Variants in NFIX observed in about 807,000 individuals in gnomAD.
The protein encoded by NFIX is nuclear factor I X, also known as nuclear factor 1 X-type.
A neutral mutation model predicts 53.3 loss-of-function variants in NFIX; 2 were observed. The ratio of observed to expected loss-of-function variants is 0.04; its 90% CI spans 0.02 to 0.12. The LOEUF (loss-of-function observed/expected upper bound fraction) is 0.12. Among genes scored for constraint, NFIX ranks in the 10% least tolerant of loss-of-function variants. The pLI is 1.00. For missense variants in NFIX, 310 were observed against 674.5 expected (o/e 0.46, Z 5.99); for synonymous variants, 244 against 289.0 (o/e 0.84, Z 1.58).
chr19:13,092,666 A>AG (rs2018213293), intron 10 of NFIX, among the ~76,000 whole-genome samples: 1 of 152,266 alleles, frequency 6.6e-6, no homozygotes, highest in Non-Finnish European at 1.5e-5. Context: ...GCAATGGCAC[A>AG]GGGTTCCTGT....
intron 1 of NFIX, 125 bp from the exon 2 acceptor site, chr19:13,024,896 G>A (rs1548551): frequency 7.5e-7 from 1 of 1,332,266 alleles, no homozygotes; most frequent in Admixed American, 2.0e-5. Flanking sequence ...AGGAGGAGGA[G>A]AAGGCGGTTT....
At chr19:13,024,883 GGGA>G (rs374702023) in intron 1 of NFIX, 135 bp from the exon 2 acceptor site, 75 of 1,323,574 alleles carry the variant, frequency 5.7e-5, no homozygotes, top group Non-Finnish European at 6.5e-5. Flanking sequence ...GTTGGGGGGA[GGGA>G]GGAGGAGGAG....
intron 2 of NFIX, among the ~76,000 whole-genome samples, chr19:13,050,400 T>TC (rs779070144): frequency 6.6e-6 from 1 of 152,192 alleles, no homozygotes; most frequent in Non-Finnish European, 1.5e-5. Context: ...CCGCATCACT[T>TC]CTCATCCTCT....
chr19:13,067,920 A>G lies in NFIX; in HGVS notation c.560-5127A>G, dbSNP rs2016524444. ...GGAGATCGAGACCATCCTGGCTAAC[A>G]CTGTGAAACCCTGTCTCTTCTAAAA... On this transcript the variant is annotated intron_variant, in intron 2 of 10. Coordinates refer to ENST00000592199, the MANE Select transcript of NFIX (RefSeq NM_001365902.3). This position sits in a 1 kb window ranked among gnomAD's most constrained non-coding sequence, Gnocchi z 4.2. 6.6e-6 allele frequency among the ~76,000 whole-genome samples: 1 copy of G among 152,030 alleles called. No individual in the cohort carries two copies. The highest frequency in any genetic ancestry group is 1.5e-5 in the Non-Finnish European group (1 of 68,000).
chr19:13,081,220 G>A lies in NFIX; in HGVS notation c.1079-460G>A, dbSNP rs1208816626. Among the ~76,000 whole-genome samples, 1 of 151,678 alleles carries A rather than the reference G, an allele frequency of 6.6e-6. No homozygotes were observed. Among genetic ancestry groups the A allele is most frequent in the Non-Finnish European group, 1.5e-5 (1 of 67,968 alleles). On this transcript the variant is annotated intron_variant, in intron 7 of 10. Transcript: ENST00000592199. This position sits in a 1 kb window ranked among gnomAD's most constrained non-coding sequence, Gnocchi z 4.7. Reference sequence around the variant, plus strand: ...CTTGGGGGGCTGAGGTGGGAGGATTGCATGAGCCCAGGAGGATTGCTTGCC... The same window carrying A: ...CTTGGGGGGCTGAGGTGGGAGGATTACATGAGCCCAGGAGGATTGCTTGCC...
chr19:13,020,536 G>C (rs1032443470), intron 1 of NFIX, among the ~76,000 whole-genome samples: 1 of 152,162 alleles, frequency 6.6e-6, no homozygotes, highest in Non-Finnish European at 1.5e-5. Context: ...TGGGGTGAGG[G>C]GAAAGTATTT....
chr19:13,062,569 G>A (rs2016160501), intron 2 of NFIX, among the ~76,000 whole-genome samples: 1 of 152,222 alleles, frequency 6.6e-6, no homozygotes, highest in Non-Finnish European at 1.5e-5. Context: ...TGGCCTGGTG[G>A]CCAGGTCTCT....
Position 13,005,068 on chromosome 19 carries a change from C to T in NFIX, c.27+9204C>T, listed in dbSNP as rs578154700. On this transcript the variant is annotated intron_variant, in intron 1 of 10. Transcript: ENST00000592199. This position sits in a 1 kb window ranked among gnomAD's most constrained non-coding sequence, Gnocchi z 4.7. ...CTGGCCTCAAGTGATCCGCCCGCCT[C>T]GGCCTCCCAAAGTGCTGGGATTACA... Among the ~76,000 whole-genome samples the T allele has an allele frequency of 2.2e-4, 33 of 152,264 alleles. No individual in the cohort carries two copies. The highest frequency in any genetic ancestry group is 6.7e-4 in the African/African-American group (28 of 41,542).
intron 1 of NFIX, among the ~76,000 whole-genome samples, chr19:13,007,722 C>T (rs1036573920): frequency 1.3e-5 from 2 of 151,918 alleles, no homozygotes; most frequent in African/African-American, 4.8e-5. Context: ...ACCCCACACC[C>T]GCTGCCCGCG....
At chr19:13,064,430 T>C (rs1453821111) in intron 2 of NFIX, among the ~76,000 whole-genome samples, 3 of 152,352 alleles carry the variant, frequency 2.0e-5, no homozygotes, top group Admixed American at 6.5e-5. Context: ...GGACAAGCTC[T>C]ATCCTCCCTT....
rs1161581899 is a variant in NFIX, at chr19:13,025,436, A to AGC, written c.445_446dup (p.Leu150GlyfsTer62). 6.2e-7 allele frequency: 1 copy of AGC among 1,613,904 alleles called. No individual in the cohort carries two copies. Among genetic ancestry groups the AGC allele is most frequent in the African/African-American group, 1.3e-5 (1 of 74,918 alleles). The stretch of plus-strand genomic sequence containing the variant: ...ATCCCCCTGGAAAGTACTGATGGGG[A>AGC]GCGGCTCTACAAGTCGCCTCAGTGC... On this transcript the variant is annotated frameshift_variant, in exon 2 of 11. Coordinates refer to ENST00000592199, the MANE Select transcript of NFIX (RefSeq NM_001365902.3). LOFTEE classifies it high-confidence loss of function. The surrounding 1 kb of genome is among the most constrained non-coding windows in gnomAD (Gnocchi z 7.5).
chr19:13,070,710 G>A (rs1265053138), intron 2 of NFIX: 1 of 152,440 alleles, frequency 6.6e-6, no homozygotes, highest in East Asian at 1.9e-4. Context: ...GCCCGGAGGC[G>A]CGTGGCAGGG....
intron 2 of NFIX, among the ~76,000 whole-genome samples, chr19:13,029,981 C>T (rs1209231379): frequency 2.0e-5 from 3 of 152,262 alleles, no homozygotes; most frequent in Non-Finnish European, 4.4e-5. Flanking sequence ...ATGCCCAACC[C>T]GACTGTTGGC....
At chr19:13,008,679 G>A (rs1472586232) in intron 1 of NFIX, among the ~76,000 whole-genome samples, 1 of 152,118 alleles carries the variant, frequency 6.6e-6, no homozygotes, top group South Asian at 2.1e-4. Flanking sequence ...ACAGGCATAG[G>A]GTACGCATCC....
chr19:13,075,680 G>C lies in NFIX; in HGVS notation c.955+9G>C. 1 of 1,612,290 alleles carries C rather than the reference G, an allele frequency of 6.2e-7. No homozygotes were observed. Among genetic ancestry groups the C allele is most frequent in the Non-Finnish European group, 8.5e-7 (1 of 1,178,916 alleles). ...CAACGATGTGGATGCAGGTATGGGTGCGGGGGATCCTGACCCAGAGCAAGG... is the reference window on the plus strand; with the variant it reads ...CAACGATGTGGATGCAGGTATGGGTCCGGGGGATCCTGACCCAGAGCAAGG... On this transcript the variant is annotated intron_variant, in intron 6 of 10. Coordinates refer to ENST00000592199, the MANE Select transcript of NFIX (RefSeq NM_001365902.3).
chr19:13,056,306 C>T (rs902137921), intron 2 of NFIX, among the ~76,000 whole-genome samples: 4 of 152,160 alleles, frequency 2.6e-5, no homozygotes, highest in African/African-American at 9.7e-5. Flanking sequence ...TCAGGCTTGG[C>T]TCTGGACCCG....
intron 2 of NFIX, among the ~76,000 whole-genome samples, chr19:13,044,258 G>A (rs10410423): frequency 0.073 from 11,128 of 152,216 alleles, 1,128 homozygotes; most frequent in African/African-American, 0.22. Context: ...CCTTCAGCTG[G>A]GGCTGTGGCA....
At chr19:13,003,101 TG>T (rs5827171) in intron 1 of NFIX, among the ~76,000 whole-genome samples, 3,603 of 149,186 alleles carry the variant, frequency 0.024, 70 homozygotes, top group Non-Finnish European at 0.036. Context: ...CTTGGGGAGT[TG>T]GGGGGGGGTT....
At position 13,088,684 on chromosome 19, in the gene NFIX, C is replaced by A. The variant is rs2017948856; in HGVS notation, c.1402+548C>A. On this transcript the variant is annotated intron_variant, in intron 9 of 10. Coordinates refer to ENST00000592199, the MANE Select transcript of NFIX (RefSeq NM_001365902.3). This position sits in a 1 kb window ranked among gnomAD's most constrained non-coding sequence, Gnocchi z 5.9. ...CCAGCCCGACCCCTTCCCCCTCAGT[C>A]TCACATTTGGTTTCTCGTTGTTCCT... Among the ~76,000 whole-genome samples the A allele has an allele frequency of 6.6e-6, 1 of 151,822 alleles. No individual in the cohort carries two copies. Among genetic ancestry groups the A allele is most frequent in the Non-Finnish European group, 1.5e-5 (1 of 67,948 alleles).
Sources: allele counts gnomAD v4.1 joint callset (sites outside exome capture counted in the v4.1 genomes callset), GRCh38; gene constraint gnomAD v4.1.1; non-coding constraint Gnocchi (gnomAD v3.1); transcripts MANE v1.5; gene names NCBI Gene and HGNC (gene_info 2026-07-23, HGNC 2026-07-21).